The following ABCC4 variants were observed in gnomAD, a reference collection of about 807,000 sequenced individuals.
ABCC4 encodes ATP-binding cassette sub-family C member 4.
Under a neutral mutation model 168.5 loss-of-function variants are expected in ABCC4, and 102 were observed. The ratio of observed to expected loss-of-function variants is 0.61; its 90% CI spans 0.52 to 0.71. The LOEUF is 0.71. ABCC4 is among the 30% of genes least tolerant of loss of function. The pLI is 0.00. For synonymous variants in ABCC4, 617 were observed against 590.7 expected (o/e 1.04, Z -0.65); for missense variants, 1,402 against 1,605.8 (o/e 0.87, Z 2.17).
chr13:95,037,336 C>A (rs2032167187), intron 29 of ABCC4, among the ~76,000 whole-genome samples: 1 of 152,148 alleles, frequency 6.6e-6, no homozygotes, highest in African/African-American at 2.4e-5. Context: ...TTACAGTCAT[C>A]CCAGAAAACT....
chr13:95,218,938 A>AG (rs1491237237), intron 4 of ABCC4, among the ~76,000 whole-genome samples: 497 of 29,296 alleles, frequency 0.017, 25 homozygotes, highest in African/African-American at 0.08. Flanking sequence ...AGAAAGAAAG[A>AG]AAGAAAGAAA....
chr13:95,296,019 G>T (rs935460836), intron 1 of ABCC4, among the ~76,000 whole-genome samples: 8 of 150,000 alleles, frequency 5.3e-5, no homozygotes. Flanking sequence ...CTGTAGCTCA[G>T]CTACTTGGGA....
intron 30 of ABCC4, among the ~76,000 whole-genome samples, chr13:95,025,339 TACACACACCCACACCCCC>T (rs1368330133): frequency 0.16 from 847 of 5,218 alleles, 55 homozygotes; most frequent in Non-Finnish European, 0.2. Flanking sequence ...CACACACCCA[TACACACACCCACACCCCC>T]ACACACACCC....
At chr13:95,180,886 CTT>C (rs1186924331) in intron 11 of ABCC4, among the ~76,000 whole-genome samples, 2 of 152,202 alleles carry the variant, frequency 1.3e-5, no homozygotes, top group Non-Finnish European at 2.9e-5. Context: ...GGTAGTAGCA[CTT>C]TGAGTACTAC....
At chr13:95,042,660 T>C (rs550618232) in intron 29 of ABCC4, among the ~76,000 whole-genome samples, 3 of 152,292 alleles carry the variant, frequency 2.0e-5, no homozygotes, top group African/African-American at 4.8e-5. Context: ...ACTTCAATAA[T>C]GGTAACAGCG....
At chr13:95,041,238 G>A (rs1452933847) in intron 29 of ABCC4, among the ~76,000 whole-genome samples, 1 of 152,206 alleles carries the variant, frequency 6.6e-6, no homozygotes, top group Admixed American at 6.5e-5. Flanking sequence ...TTAAAACTGG[G>A]AGAACATCTT....
intron 8 of ABCC4, among the ~76,000 whole-genome samples, chr13:95,204,760 G>A (rs927085501): frequency 1.3e-5 from 2 of 152,168 alleles, no homozygotes; most frequent in South Asian, 2.1e-4. Flanking sequence ...TTCTAAGATA[G>A]GCAAACTCCT....
At chr13:95,064,967 G>C (rs958536487) in intron 25 of ABCC4, among the ~76,000 whole-genome samples, 8 of 152,116 alleles carry the variant, frequency 5.3e-5, no homozygotes, top group African/African-American at 1.9e-4. Context: ...CTTTACAATT[G>C]ACCCTTTTTG....
rs118014463 is a variant in ABCC4 at position 95,254,503 on chromosome 13, C to G, written c.75-6750G>C. Among the ~76,000 whole-genome samples, 1,173 of 152,268 alleles carry G rather than the reference C, an allele frequency of 7.7e-3. 5 individuals carry two copies. Among genetic ancestry groups the G allele is most frequent in the Middle Eastern group, 0.014 (4 of 294 alleles). On this transcript the variant is annotated intron_variant, in intron 1 of 30. Coordinates refer to ENST00000645237, the MANE Select transcript of ABCC4 (RefSeq NM_005845.5). Reference sequence around the variant, plus strand: ...AACTAAATAATGTCCAAACAGAACACCTTTTCATCCCACAAAAAAATCCTG... The same window carrying G: ...AACTAAATAATGTCCAAACAGAACAGCTTTTCATCCCACAAAAAAATCCTG...
chr13:95,075,508 C>T lies in ABCC4; in HGVS notation c.2730G>A (p.Gly910=), dbSNP rs200537370. Residue 910 remains glycine, a synonymous_variant, in exon 22 of 31, where the codon GGG becomes GGA. Transcript: ENST00000645237. ...VFSHLSSSLQ[G]LWTIRAYKAE... is the part of the protein sequence containing the mutation. ...CTTTGTATGCCCGGATGGTCCAGAG[C>T]CCCTGGAGAGAAGATGATAAGTGGG... 21 of 1,614,048 alleles carry T rather than the reference C, an allele frequency of 1.3e-5. No individual in the cohort carries two copies. In the Admixed American group the frequency reaches 2.3e-4, roughly 18 times the overall value.
At chr13:95,081,704 T>G (rs146830938) in intron 21 of ABCC4, among the ~76,000 whole-genome samples, 7 of 152,162 alleles carry the variant, frequency 4.6e-5, no homozygotes, top group Non-Finnish European at 1.0e-4. Flanking sequence ...TAAATGCCTC[T>G]TAGAGTTCAC....
intron 2 of ABCC4, among the ~76,000 whole-genome samples, chr13:95,247,341 C>T (rs2138806606): frequency 6.6e-6 from 1 of 152,286 alleles, no homozygotes; most frequent in Non-Finnish European, 1.5e-5. Context: ...ATTGAAGCCC[C>T]ATCAGTAGCA....
intron 29 of ABCC4, among the ~76,000 whole-genome samples, chr13:95,040,186 C>T (rs565791196): frequency 2.0e-5 from 3 of 152,312 alleles, no homozygotes; most frequent in East Asian, 3.9e-4. Flanking sequence ...ACCCACTCAG[C>T]CACTTCCCCA....
intron 13 of ABCC4, among the ~76,000 whole-genome samples, chr13:95,172,798 G>A (rs1442624230): frequency 6.6e-6 from 1 of 151,868 alleles, no homozygotes; most frequent in African/African-American, 2.4e-5. Flanking sequence ...CAGGAGTGGT[G>A]GTGTGCACTT....
At chr13:95,079,613 T>C (rs2034023525) in intron 21 of ABCC4, among the ~76,000 whole-genome samples, 1 of 152,148 alleles carries the variant, frequency 6.6e-6, no homozygotes. Flanking sequence ...GGCGGGTGGA[T>C]CATCTGAGGT....
chr13:95,194,717 T>C (rs985141692), intron 9 of ABCC4, 119 bp downstream of exon 9: 7 of 705,758 alleles, frequency 9.9e-6, no homozygotes, highest in South Asian at 2.3e-5. Context: ...CTTTGTAACA[T>C]AGTTTCAGTA....
intron 20 of ABCC4, among the ~76,000 whole-genome samples, chr13:95,100,166 T>C (rs2034746518): frequency 6.6e-6 from 1 of 152,234 alleles, no homozygotes; most frequent in Non-Finnish European, 1.5e-5. Flanking sequence ...GCACCACGAA[T>C]GGCCACTATT....
chr13:95,155,479 T>TA (rs1447374139), intron 19 of ABCC4, among the ~76,000 whole-genome samples: 1 of 151,986 alleles, frequency 6.6e-6, no homozygotes, highest in African/African-American at 2.4e-5. Flanking sequence ...TCCACTGGAT[T>TA]AAAAAAAAGA....
In ABCC4 at chr13:95,296,172, AC is replaced by A. The variant is rs1409364822; in HGVS notation, c.74+5068del. Reference sequence around the variant, plus strand: ...CACACACACACACACACACACACACACACACACACACAAAAACACAAAATTA... The same window carrying A: ...CACACACACACACACACACACACACAACACACACACAAAAACACAAAATTA... On this transcript the variant is annotated intron_variant, in intron 1 of 30. Coordinates refer to ENST00000645237, the MANE Select transcript of ABCC4 (RefSeq NM_005845.5). 4.0e-3 allele frequency among the ~76,000 whole-genome samples: 425 copies of A among 107,106 alleles called. 1 individual carries two copies. Among genetic ancestry groups the A allele is most frequent in the African/African-American group, 0.014 (412 of 29,910 alleles). 70.3% of individuals were successfully genotyped at this position (107,106 alleles called of 152,430 possible). A position where few individuals can be genotyped will look rare whatever the true frequency, so the allele number is the denominator to read the frequency against.
Sources: gnomAD v4.1 joint callset for allele counts (sites outside exome capture counted in the v4.1 genomes callset) on GRCh38, gnomAD v4.1.1 for gene constraint, MANE v1.5 for transcripts, NCBI Gene and HGNC (gene_info 2026-07-23, HGNC 2026-07-21) for gene names.